Variants in ADGRB3 observed in about 807,000 individuals in gnomAD.
ADGRB3 encodes the protein brain-specific angiogenesis inhibitor 3.
In ADGRB3, 37 loss-of-function variants were observed where a neutral mutation model predicts 193.4. The ratio of observed to expected loss-of-function variants is 0.19; its 90% CI spans 0.15 to 0.25. ADGRB3 has a LOEUF of 0.25. ADGRB3 is among the 10% of genes least tolerant of loss of function. ADGRB3 has a pLI of 1.00. For missense variants in ADGRB3, 1,637 were observed against 1,852.9 expected (o/e 0.88, Z 2.14); for synonymous variants, 690 against 644.2 (o/e 1.07, Z -1.08).
intron 3 of ADGRB3, among the ~76,000 whole-genome samples, chr6:68,883,018 G>A (rs62416397): frequency 0.094 from 14,281 of 151,854 alleles, 894 homozygotes; most frequent in Non-Finnish European, 0.13. Flanking sequence ...CTCAGCCTCC[G>A]GAGTAGCTGG....
chr6:68,763,478 T>C (rs1389441994), intron 3 of ADGRB3, among the ~76,000 whole-genome samples: 3 of 152,212 alleles, frequency 2.0e-5, no homozygotes, highest in African/African-American at 7.2e-5. Context: ...GGCATTCATA[T>C]TGCTTATTGA....
chr6:69,023,724 C>T (rs1770340410), intron 13 of ADGRB3, among the ~76,000 whole-genome samples: 1 of 152,018 alleles, frequency 6.6e-6, no homozygotes, highest in African/African-American at 2.4e-5. Context: ...TTGGGAAACA[C>T]CATCAACACA....
intron 8 of ADGRB3, among the ~76,000 whole-genome samples, chr6:68,963,529 A>C (rs1017737955): frequency 6.6e-6 from 1 of 152,158 alleles, no homozygotes; most frequent in African/African-American, 2.4e-5. Context: ...ATGTTATCTC[A>C]TCCTACTCAT....
chr6:69,191,145 A>G (rs1765177882), intron 17 of ADGRB3, among the ~76,000 whole-genome samples: 1 of 152,200 alleles, frequency 6.6e-6, no homozygotes, highest in African/African-American at 2.4e-5. Context: ...GCCTCCAAAT[A>G]TTATGATTCT....
intron 3 of ADGRB3, among the ~76,000 whole-genome samples, chr6:68,868,969 C>T (rs1041981996): frequency 5.0e-5 from 7 of 139,598 alleles, no homozygotes; most frequent in Non-Finnish European, 1.1e-4. Context: ...TTAATCTTAG[C>T]ATCCTATCCA....
intron 17 of ADGRB3, among the ~76,000 whole-genome samples, chr6:69,121,952 C>T (rs905110214): frequency 9.6e-5 from 10 of 104,122 alleles, no homozygotes; most frequent in African/African-American, 2.8e-4. Flanking sequence ...TGGGCAGAGG[C>T]GCTCCTCACA....
chr6:68,965,390 A>C (rs1031002079), intron 8 of ADGRB3, among the ~76,000 whole-genome samples: 1 of 152,028 alleles, frequency 6.6e-6, no homozygotes, highest in Admixed American at 6.6e-5. Flanking sequence ...CAAACACAAG[A>C]ATTCATGAAT....
chr6:69,316,793 A>C (rs2127303300), intron 20 of ADGRB3, among the ~76,000 whole-genome samples: 1 of 151,676 alleles, frequency 6.6e-6, no homozygotes, highest in East Asian at 1.9e-4. Flanking sequence ...ATCTTTCAAG[A>C]AGTTTGACCA....
At chr6:69,085,820 T>G (rs1231869842) in intron 17 of ADGRB3, among the ~76,000 whole-genome samples, 2 of 151,764 alleles carry the variant, frequency 1.3e-5, no homozygotes, top group Non-Finnish European at 2.9e-5. Flanking sequence ...CTAATATATT[T>G]ATCTAATTAT....
intron 30 of ADGRB3, 62 bp from the exon 31 acceptor site, chr6:69,382,769 C>G (rs1482634124): frequency 8.0e-7 from 1 of 1,243,092 alleles, no homozygotes; most frequent in African/African-American, 1.6e-5. Context: ...AATATTAAAT[C>G]TCTCTTGTTT....
At chr6:68,835,734 A>G (rs987982719) in intron 3 of ADGRB3, among the ~76,000 whole-genome samples, 1 of 152,044 alleles carries the variant, frequency 6.6e-6, no homozygotes, top group Non-Finnish European at 1.5e-5. Flanking sequence ...GCTTTACAGT[A>G]TAATTTTTCT....
chr6:69,164,838 T>A (rs1775091158), intron 17 of ADGRB3, among the ~76,000 whole-genome samples: 1 of 152,138 alleles, frequency 6.6e-6, no homozygotes, highest in Non-Finnish European at 1.5e-5. Context: ...CTGTTTTCTC[T>A]ATTAGTTTCA....
intron 20 of ADGRB3, among the ~76,000 whole-genome samples, chr6:69,288,052 A>AT (rs913778974): frequency 3.3e-5 from 5 of 151,822 alleles, no homozygotes; most frequent in African/African-American, 9.7e-5. Flanking sequence ...TTTGACACTA[A>AT]TTTTTTTTAT....
intron 3 of ADGRB3, among the ~76,000 whole-genome samples, chr6:68,720,750 C>T (rs1391174883): frequency 6.6e-6 from 1 of 151,718 alleles, no homozygotes; most frequent in Non-Finnish European, 1.5e-5. Context: ...CCATAAGAAT[C>T]CCACTGAATT....
At chr6:69,174,092 T>C (rs1775361031) in intron 17 of ADGRB3, among the ~76,000 whole-genome samples, 1 of 152,166 alleles carries the variant, frequency 6.6e-6, no homozygotes, top group Non-Finnish European at 1.5e-5. Context: ...AAGATAATTT[T>C]TAAAAAATAA....
intron 3 of ADGRB3, among the ~76,000 whole-genome samples, chr6:68,735,906 G>T (rs1014245012): frequency 7.2e-5 from 11 of 152,112 alleles, no homozygotes; most frequent in African/African-American, 2.7e-4. Context: ...ATCACTGAGT[G>T]CTACAAAATA....
At chr6:68,798,958 G>A (rs1345908863) in intron 3 of ADGRB3, among the ~76,000 whole-genome samples, 2 of 152,174 alleles carry the variant, frequency 1.3e-5, no homozygotes. Context: ...GCAAGGTTAT[G>A]GGTGAAAAGA....
intron 17 of ADGRB3, among the ~76,000 whole-genome samples, chr6:69,087,168 A>AG (rs1772574505): frequency 1.3e-5 from 2 of 152,150 alleles, no homozygotes; most frequent in South Asian, 4.1e-4. Flanking sequence ...TACCTACAAA[A>AG]GGAATTGCAT....
rs568884605 is a variant in ADGRB3 at position 68,781,460 on chromosome 6, C to T, written c.757+142028C>T. ...TCAAAATGCTTTTATCTGCAGGATGCTCCTTGATCTTACACAACCCTTTGA... is the reference window on the plus strand; with the variant it reads ...TCAAAATGCTTTTATCTGCAGGATGTTCCTTGATCTTACACAACCCTTTGA... On this transcript the variant is annotated intron_variant, in intron 3 of 31. Transcript: ENST00000370598. Among the ~76,000 whole-genome samples the T allele has an allele frequency of 1.5e-4, 23 of 152,180 alleles. No homozygotes were observed. The East Asian group carries it at 4.5e-3, about 29-fold the overall frequency.
Sources: gnomAD v4.1 joint callset for allele counts (sites outside exome capture counted in the v4.1 genomes callset) on GRCh38, gnomAD v4.1.1 for gene constraint, MANE v1.5 for transcripts, NCBI Gene and HGNC (gene_info 2026-07-23, HGNC 2026-07-21) for gene names.